CTNNA2: variants seen among roughly 807,000 people sequenced by gnomAD.
CTNNA2 encodes catenin alpha-2.
In CTNNA2, 42 loss-of-function variants were observed where a neutral mutation model predicts 101.0. The observed-to-expected ratio is 0.42, with a 90% CI of 0.32 to 0.54. The LOEUF (loss-of-function observed/expected upper bound fraction) is 0.54. Among genes scored for constraint, CTNNA2 ranks in the 20% least tolerant of loss-of-function variants. The pLI, the probability that CTNNA2 is intolerant of heterozygous loss-of-function variation, is 0.14. For synonymous variants in CTNNA2, 450 were observed against 456.4 expected, an observed-to-expected ratio of 0.99 and a Z score of 0.18; for missense variants, 871 against 1,223.1, an observed-to-expected ratio of 0.71 and a Z score of 4.29.
At chr2:80,036,099 G>A (rs548573484) in intron 7 of CTNNA2, among the ~76,000 whole-genome samples, 22 of 152,250 alleles carry the variant, frequency 1.4e-4, no homozygotes, top group South Asian at 6.2e-4. Flanking sequence ...CCCCACCAGC[G>A]TCACCCAACC....
intron 6 of CTNNA2, among the ~76,000 whole-genome samples, chr2:79,879,805 T>C (rs1683290082): frequency 1.3e-5 from 2 of 152,198 alleles, no homozygotes; most frequent in Non-Finnish European, 2.9e-5. Flanking sequence ...TTGAATATGC[T>C]TTATTTCTTT....
intron 4 of CTNNA2, among the ~76,000 whole-genome samples, chr2:79,407,862 C>A (rs1161579723): frequency 1.3e-5 from 2 of 152,014 alleles, no homozygotes; most frequent in East Asian, 3.9e-4. Context: ...CAAAAGTATG[C>A]CAAAACATGT....
intron 2 of CTNNA2, among the ~76,000 whole-genome samples, chr2:79,218,320 T>TGTGTGTGG (rs1427261466): frequency 1.5e-5 from 1 of 65,114 alleles, no homozygotes; most frequent in Non-Finnish European, 3.4e-5. Context: ...TTTGTGTGTG[T>TGTGTGTGG]GTGTGTGTGT....
rs149441662 is a variant in CTNNA2, at chr2:80,488,895, G to C, written c.1291-56087G>C. Among the ~76,000 whole-genome samples the C allele has an allele frequency of 8.7e-3, 1,330 of 152,228 alleles. 12 individuals are homozygous for C. The highest frequency in any genetic ancestry group is 0.03 in the African/African-American group (1,243 of 41,552). ...TTCACCATCACTCTCTCATACACAC[G>C]TGCATGCACATACACATATACACAC... On this transcript the variant is annotated intron_variant, in intron 9 of 18. Coordinates refer to ENST00000402739, the MANE Select transcript of CTNNA2 (RefSeq NM_001282597.3).
rs115125071 is a variant in CTNNA2 at position 79,771,589 on chromosome 2, A to C, written c.298+27007A>C. Among the ~76,000 whole-genome samples the C allele has an allele frequency of 2.4e-3, 369 of 152,300 alleles. 1 individual carries two copies. Among genetic ancestry groups the C allele is most frequent in the African/African-American group, 8.5e-3 (355 of 41,558 alleles). On this transcript the variant is annotated intron_variant, in intron 3 of 18. Coordinates refer to ENST00000402739, the MANE Select transcript of CTNNA2 (RefSeq NM_001282597.3). Reference sequence around the variant, plus strand: ...CATCAATTATTAAATTCTCATAAGGATCTGGCAACCTAAATCCCTTGCATG... The same window carrying C: ...CATCAATTATTAAATTCTCATAAGGCTCTGGCAACCTAAATCCCTTGCATG...
chr2:80,232,335 TTGTTTG>T (rs1380811368), intron 7 of CTNNA2, among the ~76,000 whole-genome samples: 1 of 73,896 alleles, frequency 1.4e-5, no homozygotes, highest in Non-Finnish European at 2.1e-5. Flanking sequence ...GTTTGTTTGT[TTGTTTG>T]TTTGTTTTTT....
At chr2:80,069,467 G>T (rs1241018659) in intron 7 of CTNNA2, among the ~76,000 whole-genome samples, 3 of 152,024 alleles carry the variant, frequency 2.0e-5, no homozygotes, top group East Asian at 1.9e-4. Context: ...AAAAATAATA[G>T]AAATTTATAA....
intron 2 of CTNNA2, among the ~76,000 whole-genome samples, chr2:79,284,438 A>C (rs1440574929): frequency 6.6e-6 from 1 of 150,452 alleles, no homozygotes; most frequent in Non-Finnish European, 1.5e-5. Context: ...TGTCCCATCA[A>C]TACCTACTTT....
chr2:79,654,490 T>C (rs1234383630), intron 2 of CTNNA2, among the ~76,000 whole-genome samples: 1 of 152,130 alleles, frequency 6.6e-6, no homozygotes, highest in East Asian at 1.9e-4. Flanking sequence ...TCCAGATCCC[T>C]CCGATTTCAG....
At chr2:80,519,461 G>T (rs1445072910) in intron 9 of CTNNA2, among the ~76,000 whole-genome samples, 1 of 152,078 alleles carries the variant, frequency 6.6e-6, no homozygotes, top group Non-Finnish European at 1.5e-5. Context: ...TTTCCATTTG[G>T]ATGCTCTCTA....
At chr2:80,538,965 GTAT>G (rs1290089886) in intron 9 of CTNNA2, among the ~76,000 whole-genome samples, 7 of 151,966 alleles carry the variant, frequency 4.6e-5, no homozygotes, top group Admixed American at 2.0e-4. Flanking sequence ...GTATTCCTAG[GTAT>G]TATTTTATTA....
intron 7 of CTNNA2, among the ~76,000 whole-genome samples, chr2:80,020,644 C>A (rs552916290): frequency 2.0e-5 from 3 of 152,270 alleles, no homozygotes; most frequent in Non-Finnish European, 2.9e-5. Flanking sequence ...ATGCAGAGAA[C>A]CCCTTTTCAG....
At chr2:80,162,631 G>C in intron 7 of CTNNA2, 3 of 1,611,686 alleles carry the variant, frequency 1.9e-6, no homozygotes, top group South Asian at 2.2e-5. Context: ...GCTAGGTAGG[G>C]ATGAGAATTC....
chr2:80,306,092 G>T (rs144383495), intron 7 of CTNNA2, among the ~76,000 whole-genome samples: 2 of 152,174 alleles, frequency 1.3e-5, no homozygotes, highest in East Asian at 3.9e-4. Flanking sequence ...CCAAAGACTG[G>T]TGGTACTTTT....
chr2:79,391,631 T>A (rs77603972), intron 4 of CTNNA2, among the ~76,000 whole-genome samples: 1 of 152,116 alleles, frequency 6.6e-6, no homozygotes, highest in Non-Finnish European at 1.5e-5. Context: ...AAAAAACTGA[T>A]GAAGTGGGCA....
chr2:79,187,127 G>A (rs571539537), intron 1 of CTNNA2, among the ~76,000 whole-genome samples: 395 of 152,114 alleles, frequency 2.6e-3, no homozygotes, highest in Admixed American at 6.5e-3. Context: ...AGAGGACCAA[G>A]AAATATCCAC....
intron 1 of CTNNA2, among the ~76,000 whole-genome samples, chr2:79,646,996 C>T (rs913110800): frequency 6.6e-6 from 1 of 152,132 alleles, no homozygotes; most frequent in South Asian, 2.1e-4. Flanking sequence ...AGTCTCTCTA[C>T]CAAAGGTAAG....
At chr2:80,352,131 G>A (rs377398138) in intron 7 of CTNNA2, among the ~76,000 whole-genome samples, 48 of 152,108 alleles carry the variant, frequency 3.2e-4, no homozygotes, top group African/African-American at 1.1e-3. Context: ...AATATTTTTC[G>A]ATGTAGCAAT....
intron 2 of CTNNA2, among the ~76,000 whole-genome samples, chr2:79,300,319 A>C (rs1676079316): frequency 6.6e-6 from 1 of 152,158 alleles, no homozygotes; most frequent in African/African-American, 2.4e-5. Flanking sequence ...ACTTACCTTA[A>C]GCTTCCTCCA....
Sources: allele counts gnomAD v4.1 joint callset (sites outside exome capture counted in the v4.1 genomes callset), GRCh38; gene constraint gnomAD v4.1.1; transcripts MANE v1.5; gene names NCBI Gene and HGNC (gene_info 2026-07-23, HGNC 2026-07-21).